MACROD2: variants seen among roughly 807,000 people sequenced by gnomAD.
MACROD2 encodes mono-ADP ribosylhydrolase 2.
A neutral mutation model predicts 70.4 loss-of-function variants in MACROD2; 36 were observed. The observed-to-expected ratio is 0.51, with a 90% CI of 0.39 to 0.68. MACROD2 has a LOEUF of 0.68. MACROD2 is among the 30% of genes least tolerant of loss of function. The pLI is 0.00. For synonymous variants in MACROD2, 172 were observed against 178.8 expected (o/e 0.96, Z 0.30); for missense variants, 496 against 538.4 (o/e 0.92, Z 0.78).
chr20:15,811,220 T>A (rs1235427295), intron 8 of MACROD2, among the ~76,000 whole-genome samples: 1 of 151,408 alleles, frequency 6.6e-6, no homozygotes, highest in Non-Finnish European at 1.5e-5. Flanking sequence ...GAATCTACAA[T>A]GAACTCAAAC....
intron 3 of MACROD2, among the ~76,000 whole-genome samples, chr20:14,312,780 A>G (rs1418297387): frequency 6.6e-6 from 1 of 152,236 alleles, no homozygotes; most frequent in Non-Finnish European, 1.5e-5. Context: ...ACGAAAGGCA[A>G]ATTCAGAGAT....
At chr20:14,589,702 G>C (rs185692912) in intron 4 of MACROD2, among the ~76,000 whole-genome samples, 3 of 151,970 alleles carry the variant, frequency 2.0e-5, no homozygotes, top group African/African-American at 7.2e-5. Context: ...TCCTCTCTTT[G>C]GCTGTATTAG....
intron 5 of MACROD2, among the ~76,000 whole-genome samples, chr20:14,892,226 C>CT (rs1398261186): frequency 1.3e-5 from 2 of 152,084 alleles, no homozygotes. Context: ...AATCCCAGCA[C>CT]TTTGGGAGGC....
chr20:15,468,891 A>G (rs1251290760), intron 7 of MACROD2, among the ~76,000 whole-genome samples: 1 of 152,216 alleles, frequency 6.6e-6, no homozygotes, highest in Admixed American at 6.5e-5. Flanking sequence ...ATGGAAAAAT[A>G]TTCAAGACCC....
intron 8 of MACROD2, among the ~76,000 whole-genome samples, chr20:15,570,050 C>A (rs948770152): frequency 6.6e-6 from 1 of 151,766 alleles, no homozygotes; most frequent in Admixed American, 6.6e-5. Context: ...TTTTGAGGAA[C>A]CTCAAAAAAT....
At chr20:14,954,061 A>T (rs564431875) in intron 5 of MACROD2, among the ~76,000 whole-genome samples, 2 of 152,264 alleles carry the variant, frequency 1.3e-5, no homozygotes, top group East Asian at 3.9e-4. Context: ...CTAATGCGGT[A>T]AATAGATTTT....
intron 3 of MACROD2, among the ~76,000 whole-genome samples, chr20:14,371,450 A>G (rs2083322553): frequency 6.6e-6 from 1 of 152,156 alleles, no homozygotes; most frequent in Non-Finnish European, 1.5e-5. Flanking sequence ...TGATCATGCT[A>G]TTGCACTCTG....
intron 7 of MACROD2, among the ~76,000 whole-genome samples, chr20:15,473,186 T>G (rs1219675862): frequency 6.6e-6 from 1 of 152,168 alleles, no homozygotes; most frequent in Non-Finnish European, 1.5e-5. Flanking sequence ...GGCCTGGCCT[T>G]CAGGTATATT....
chr20:14,764,094 G>C (rs2072053103), intron 5 of MACROD2, among the ~76,000 whole-genome samples: 1 of 152,016 alleles, frequency 6.6e-6, no homozygotes, highest in African/African-American at 2.4e-5. Context: ...GTGTTTGCTG[G>C]CATTACCCGA....
chr20:15,659,042 A>T (rs1033996266), intron 8 of MACROD2, among the ~76,000 whole-genome samples: 2 of 152,180 alleles, frequency 1.3e-5, no homozygotes, highest in African/African-American at 4.8e-5. Context: ...TTAGGTAAAT[A>T]TGTAAAATCT....
chr20:15,133,217 A>G (rs1284848586), intron 5 of MACROD2, among the ~76,000 whole-genome samples: 4 of 152,126 alleles, frequency 2.6e-5, no homozygotes, highest in Admixed American at 6.5e-5. Flanking sequence ...TAAACATATT[A>G]GAAAACAAAC....
intron 4 of MACROD2, among the ~76,000 whole-genome samples, chr20:14,649,816 A>G (rs938361883): frequency 1.3e-5 from 2 of 152,170 alleles, no homozygotes; most frequent in African/African-American, 4.8e-5. Flanking sequence ...TCCCTTTGTT[A>G]GAACTCTACA....
At chr20:14,991,433 A>G (rs2074903004) in intron 5 of MACROD2, among the ~76,000 whole-genome samples, 1 of 152,204 alleles carries the variant, frequency 6.6e-6, no homozygotes, top group Non-Finnish European at 1.5e-5. Flanking sequence ...TCTGCACTGA[A>G]TATCCTTAGC....
At chr20:14,539,914 C>T (rs1306342706) in intron 4 of MACROD2, among the ~76,000 whole-genome samples, 1 of 152,074 alleles carries the variant, frequency 6.6e-6, no homozygotes, top group African/African-American at 2.4e-5. Context: ...CAGCTGTGGC[C>T]CGTTCCTGGA....
chr20:14,296,383 A>C (rs894694316), intron 3 of MACROD2, among the ~76,000 whole-genome samples: 71 of 151,952 alleles, frequency 4.7e-4, no homozygotes, highest in African/African-American at 1.5e-3. Flanking sequence ...AATAGCTCAA[A>C]ACTTAAAACT....
intron 5 of MACROD2, among the ~76,000 whole-genome samples, chr20:14,807,239 G>A (rs949509927): frequency 2.0e-5 from 3 of 152,148 alleles, no homozygotes; most frequent in African/African-American, 7.2e-5. Context: ...AGCTTCCAGA[G>A]GAAGGAGCAG....
At chr20:14,784,590 A>G (rs896431498) in intron 5 of MACROD2, among the ~76,000 whole-genome samples, 1 of 147,274 alleles carries the variant, frequency 6.8e-6, no homozygotes, top group African/African-American at 2.5e-5. Context: ...CACATGTAGT[A>G]GATATTTGAT....
chr20:14,102,581 C>A (rs1271139789), intron 3 of MACROD2, among the ~76,000 whole-genome samples: 1 of 152,190 alleles, frequency 6.6e-6, no homozygotes, highest in Non-Finnish European at 1.5e-5. Flanking sequence ...CAAACTAAGT[C>A]AGCCAAAGGG....
chr20:15,266,289 G>T (rs1420293375), intron 6 of MACROD2, among the ~76,000 whole-genome samples: 2 of 152,146 alleles, frequency 1.3e-5, no homozygotes, highest in South Asian at 2.1e-4. Flanking sequence ...GAAGTGAAAA[G>T]ATACAAGTTT....
Sources: gnomAD v4.1 joint callset for allele counts (sites outside exome capture counted in the v4.1 genomes callset) on GRCh38, gnomAD v4.1.1 for gene constraint, MANE v1.5 for transcripts, NCBI Gene and HGNC (gene_info 2026-07-23, HGNC 2026-07-21) for gene names.